DZANK1: variants seen among roughly 807,000 people sequenced by gnomAD.
The protein encoded by DZANK1 is double zinc ribbon and ankyrin repeat-containing protein 1.
In DZANK1, 91 loss-of-function variants were observed where a neutral mutation model predicts 94.5. The observed-to-expected ratio is 0.96, with a 90% CI of 0.81 to 1.15. The LOEUF (loss-of-function observed/expected upper bound fraction) is 1.15. DZANK1 is among the 50% of genes most tolerant of loss of function. DZANK1 has a pLI of 0.00. For synonymous variants in DZANK1, 312 were observed against 325.3 expected (o/e 0.96, Z 0.44); for missense variants, 903 against 916.4 (o/e 0.99, Z 0.19).
At chr20:18,423,582 A>G (rs2057895452) in intron 10 of DZANK1, among the ~76,000 whole-genome samples, 1 of 152,248 alleles carries the variant, frequency 6.6e-6, no homozygotes, top group East Asian at 1.9e-4. Flanking sequence ...GCCATAAAAT[A>G]AACCTCATTA....
chr20:18,397,674 T>G (rs1382402825), intron 14 of DZANK1, among the ~76,000 whole-genome samples: 4 of 152,194 alleles, frequency 2.6e-5, no homozygotes, highest in Non-Finnish European at 4.4e-5. Flanking sequence ...TTGCTCCACA[T>G]GTCTGAGGCC....
At chr20:18,395,802 A>G (rs2056309626) in intron 15 of DZANK1, among the ~76,000 whole-genome samples, 1 of 152,126 alleles carries the variant, frequency 6.6e-6, no homozygotes, top group African/African-American at 2.4e-5. Context: ...ACAACAATTA[A>G]AAAGAGCAGT....
chr20:18,456,013 A>C (rs56368195), intron 3 of DZANK1, among the ~76,000 whole-genome samples: 20,025 of 152,230 alleles, frequency 0.13, 1,499 homozygotes, highest in East Asian at 0.27. Context: ...GCAAGTCACA[A>C]CACCAGCAGA....
chr20:18,394,027 G>A (rs3752307), intron 16 of DZANK1, among the ~76,000 whole-genome samples: 5 of 152,070 alleles, frequency 3.3e-5, no homozygotes, highest in Non-Finnish European at 7.4e-5. Context: ...AGGGACTTCG[G>A]TTTTTAGGTC....
chr20:18,433,157 T>C (rs1228800373), intron 9 of DZANK1: 1 of 155,976 alleles, frequency 6.4e-6, no homozygotes, highest in African/African-American at 2.4e-5. Flanking sequence ...TCTCTCTTAA[T>C]ATTATAGATC....
At chr20:18,459,751 G>A (rs1000003048) in intron 3 of DZANK1, among the ~76,000 whole-genome samples, 8 of 152,132 alleles carry the variant, frequency 5.3e-5, no homozygotes, top group African/African-American at 1.7e-4. Flanking sequence ...GATACAAAAC[G>A]AAATCGAGAA....
At chr20:18,413,972 A>C (rs1200018367) in intron 12 of DZANK1, among the ~76,000 whole-genome samples, 1 of 152,210 alleles carries the variant, frequency 6.6e-6, no homozygotes, top group Non-Finnish European at 1.5e-5. Flanking sequence ...AGTACTTCTG[A>C]AAATAACCTG....
intron 19 of DZANK1, among the ~76,000 whole-genome samples, chr20:18,389,222 G>T (rs2048696726): frequency 6.6e-6 from 1 of 152,218 alleles, no homozygotes; most frequent in Non-Finnish European, 1.5e-5. Context: ...AAGCAAGGCA[G>T]CAGGAGACCA....
At chr20:18,422,726 T>C (rs2145226) in intron 10 of DZANK1, among the ~76,000 whole-genome samples, 128,886 of 151,352 alleles carry the variant, frequency 0.85, 55,075 homozygotes, top group South Asian at 0.96. Flanking sequence ...TGGTCCCAAC[T>C]ATTTCAGATA....
Position 18,412,629 on chromosome 20 carries a change from G to A in DZANK1, c.1432+17C>T, listed in dbSNP as rs756066338. ...GAATTCCCTCCCGACCAGAAGAAAG[G>A]GCATCCTCCCCCTTACCTCTTCCTG... On this transcript the variant is annotated intron_variant, in intron 13 of 20. Coordinates refer to ENST00000262547, the Ensembl canonical transcript of DZANK1. 1 of 1,609,574 alleles carries A rather than the reference G, an allele frequency of 6.2e-7. No homozygotes were observed. The highest frequency in any genetic ancestry group is 8.5e-7 in the Non-Finnish European group (1 of 1,177,402).
chr20:18,409,975 G>A (rs1182437316), intron 13 of DZANK1, among the ~76,000 whole-genome samples: 2 of 146,128 alleles, frequency 1.4e-5, no homozygotes, highest in Non-Finnish European at 3.0e-5. Context: ...GGAGGTTGCA[G>A]TGAGTCGGGA....
intron 12 of DZANK1, among the ~76,000 whole-genome samples, chr20:18,414,009 A>C (rs1322190393): frequency 6.6e-6 from 1 of 152,222 alleles, no homozygotes; most frequent in Non-Finnish European, 1.5e-5. Context: ...AACTATGCCC[A>C]GCTGTTATAA....
intron 7 of DZANK1, among the ~76,000 whole-genome samples, chr20:18,443,792 G>A (rs1465861560): frequency 6.6e-6 from 1 of 152,126 alleles, no homozygotes; most frequent in Non-Finnish European, 1.5e-5. Flanking sequence ...TGGATTTGAT[G>A]TGTATGAGGG....
At chr20:18,398,402 A>G (rs1387808076) in intron 14 of DZANK1, 121 bp downstream of exon 14, 1 of 823,698 alleles carries the variant, frequency 1.2e-6, no homozygotes, top group Non-Finnish European at 2.0e-6. Context: ...AAGAAAGTGT[A>G]GAAAGCAGAG....
chr20:18,410,023 A>G (rs1224031170), intron 13 of DZANK1, among the ~76,000 whole-genome samples: 1 of 129,392 alleles, frequency 7.7e-6, no homozygotes, highest in Non-Finnish European at 1.6e-5. Context: ...GCAGAGCGAG[A>G]CTCCGTCTCA....
At chr20:18,409,135 C>T (rs906842909) in intron 13 of DZANK1, among the ~76,000 whole-genome samples, 1 of 152,086 alleles carries the variant, frequency 6.6e-6, no homozygotes, top group Non-Finnish European at 1.5e-5. Context: ...TAAATATATA[C>T]ACCTACTATG....
rs769997073 is a variant in DZANK1 at position 18,394,252 on chromosome 20, A to T, written c.1708+2T>A. On this transcript the variant is annotated splice_donor_variant, in intron 16 of 20. Coordinates refer to ENST00000262547, the Ensembl canonical transcript of DZANK1. LOFTEE classifies it high-confidence loss of function. ...TAAAATTGCCAGAAGGGAATAACTCACCCCAGCTGGACCTGCTGCCGCACA... is the reference window on the plus strand; with the variant it reads ...TAAAATTGCCAGAAGGGAATAACTCTCCCCAGCTGGACCTGCTGCCGCACA... 1.2e-6 allele frequency: 2 copies of T among 1,612,298 alleles called. No individual in the cohort carries two copies. The highest frequency in any genetic ancestry group is 1.7e-6 in the Non-Finnish European group (2 of 1,179,344).
chr20:18,453,255 A>G (rs2059167925), intron 5 of DZANK1, among the ~76,000 whole-genome samples: 1 of 152,190 alleles, frequency 6.6e-6, no homozygotes, highest in Non-Finnish European at 1.5e-5. Flanking sequence ...CCTGGTGCAG[A>G]GATAATCATT....
At chr20:18,427,562 CA>C (rs1442962506) in intron 9 of DZANK1, among the ~76,000 whole-genome samples, 3 of 151,692 alleles carry the variant, frequency 2.0e-5, no homozygotes, top group Admixed American at 6.6e-5. Context: ...GTTTGGTTTT[CA>C]AAAGGTAAGT....
Sources: allele counts gnomAD v4.1 joint callset (sites outside exome capture counted in the v4.1 genomes callset), GRCh38; gene constraint gnomAD v4.1.1; transcripts MANE v1.5; gene names NCBI Gene and HGNC (gene_info 2026-07-23, HGNC 2026-07-21).